GALNT16: variants seen among roughly 807,000 people sequenced by gnomAD.
The protein encoded by GALNT16 is UDP-GalNAc:polypeptide N-acetylgalactosaminyltransferase-like protein 1.
Under a neutral mutation model 76.1 loss-of-function variants are expected in GALNT16, and 40 were observed. The observed-to-expected ratio is 0.53, with a 90% CI of 0.41 to 0.68. The LOEUF (loss-of-function observed/expected upper bound fraction) is 0.68. Ranked by LOEUF, GALNT16 falls within the 30% of genes least tolerant of loss-of-function variation. The probability of loss-of-function intolerance (pLI) is 0.00; values close to 1 mark genes in which losing one functional copy is unlikely to be tolerated. For synonymous variants in GALNT16, 276 were observed against 285.2 expected (o/e 0.97, Z 0.32); for missense variants, 621 against 731.9 (o/e 0.85, Z 1.75).
In GALNT16 at chr14:69,260,452, C is replaced by T. The variant is rs1287828189; in HGVS notation, c.162C>T (p.Arg54=). ...GGTCGGAGCAGCTCCGCGAGGACCG[C>T]ACCATCCCGCTCATTGTGAGTACGC... The part of the protein sequence containing the change: ...GRRSEQLRED[R]TIPLIVTGTP... The change falls in exon 1 of 15, where the codon CGC becomes CGT. Residue 54 remains arginine, a synonymous_variant. Transcript: ENST00000448469. 1 of 1,549,820 alleles carries T rather than the reference C, an allele frequency of 6.5e-7. No individual in the cohort carries two copies. The highest frequency in any genetic ancestry group is 1.4e-5 in the African/African-American group (1 of 72,174).
chr14:69,322,429 T>A (rs1298264401), intron 2 of GALNT16, among the ~76,000 whole-genome samples: 1 of 152,232 alleles, frequency 6.6e-6, no homozygotes, highest in Non-Finnish European at 1.5e-5. Context: ...CCCTGGATAA[T>A]CTCTGTTCAC....
chr14:69,314,258 T>C (rs1016215538), intron 1 of GALNT16, among the ~76,000 whole-genome samples: 3 of 152,292 alleles, frequency 2.0e-5, no homozygotes, highest in African/African-American at 7.2e-5. Context: ...AAGCACATTA[T>C]ATGCATTGCA....
chr14:69,280,938 C>T (rs2044532721), intron 1 of GALNT16, among the ~76,000 whole-genome samples: 1 of 152,078 alleles, frequency 6.6e-6, no homozygotes, highest in Non-Finnish European at 1.5e-5. Flanking sequence ...TAGGGGAGCC[C>T]CCACTGCCTT....
chr14:69,323,794 G>C (rs531228592), intron 2 of GALNT16, among the ~76,000 whole-genome samples: 1 of 152,320 alleles, frequency 6.6e-6, no homozygotes, highest in South Asian at 2.1e-4. Flanking sequence ...AAACAGGCCT[G>C]GGAATTCGGG....
chr14:69,283,987 A>G (rs4902707), intron 1 of GALNT16, among the ~76,000 whole-genome samples: 7,138 of 152,290 alleles, frequency 0.047, 232 homozygotes, highest in Middle Eastern at 0.088. Context: ...AGGCATGGAT[A>G]AATACCAGGA....
chr14:69,377,404 G>T, the GALNT16 span, among the ~76,000 whole-genome samples: 1 of 151,898 alleles, frequency 6.6e-6, no homozygotes, highest in South Asian at 2.1e-4. Context: ...TATCTCAAAG[G>T]GTTGCTGTGA....
chr14:69,299,638 G>T (rs1287678386), intron 1 of GALNT16, among the ~76,000 whole-genome samples: 2 of 152,220 alleles, frequency 1.3e-5, no homozygotes, highest in Non-Finnish European at 2.9e-5. Context: ...AGGTGCAGAG[G>T]TGGAGGCTGA....
chr14:69,274,282 T>G (rs1056292753), intron 1 of GALNT16, among the ~76,000 whole-genome samples: 2 of 152,254 alleles, frequency 1.3e-5, no homozygotes, highest in Admixed American at 6.5e-5. Context: ...TGCAAACTTG[T>G]AATATGTTAT....
chr14:69,297,434 T>C, intron 1 of GALNT16, among the ~76,000 whole-genome samples: 1 of 152,234 alleles, frequency 6.6e-6, no homozygotes, highest in East Asian at 1.9e-4. Context: ...GAATGGGCTA[T>C]TCTTATACAC....
chr14:69,282,129 G>A (rs1252670710), intron 1 of GALNT16, among the ~76,000 whole-genome samples: 1 of 152,196 alleles, frequency 6.6e-6, no homozygotes, highest in Non-Finnish European at 1.5e-5. Context: ...TGCATGGTGA[G>A]GTTTCATCGC....
At chr14:69,378,440 C>G in the GALNT16 span, among the ~76,000 whole-genome samples, 2 of 152,190 alleles carry the variant, frequency 1.3e-5, no homozygotes, top group African/African-American at 4.8e-5. Flanking sequence ...AAAGGCCAAT[C>G]AACCAACACT....
chr14:69,315,770 T>C (rs746267757), intron 1 of GALNT16, among the ~76,000 whole-genome samples: 1 of 152,234 alleles, frequency 6.6e-6, no homozygotes, highest in East Asian at 1.9e-4. Flanking sequence ...CTCTGAACTT[T>C]TGGTCACTAG....
At chr14:69,375,826 C>A in the GALNT16 span, among the ~76,000 whole-genome samples, 287 of 152,264 alleles carry the variant, frequency 1.9e-3, 3 homozygotes, top group South Asian at 0.01. Flanking sequence ...TTCGTAGAGA[C>A]AGGGTCTTGC....
the GALNT16 span, chr14:69,380,686 G>A: frequency 1.8e-6 from 2 of 1,123,070 alleles, no homozygotes; most frequent in African/African-American, 3.1e-5. Context: ...GTCAATCACT[G>A]CCAGGTGTTT....
At chr14:69,268,632 A>G (rs2044368212) in intron 1 of GALNT16, among the ~76,000 whole-genome samples, 1 of 152,180 alleles carries the variant, frequency 6.6e-6, no homozygotes, top group South Asian at 2.1e-4. Context: ...GAAATAACAA[A>G]CCAGGTAAAA....
At chr14:69,340,661 T>G (rs1204201383) in intron 11 of GALNT16, among the ~76,000 whole-genome samples, 1 of 152,106 alleles carries the variant, frequency 6.6e-6, no homozygotes, top group African/African-American at 2.4e-5. Flanking sequence ...ATTTTTTGTG[T>G]TTTTAATAGA....
chr14:69,270,923 C>G (rs2044399578), intron 1 of GALNT16, among the ~76,000 whole-genome samples: 1 of 143,292 alleles, frequency 7.0e-6, no homozygotes, highest in Non-Finnish European at 1.5e-5. Context: ...GAGCACAGCC[C>G]CCACAAATAC....
chr14:69,308,780 A>G (rs2044975361), intron 1 of GALNT16, among the ~76,000 whole-genome samples: 1 of 152,242 alleles, frequency 6.6e-6, no homozygotes, highest in Admixed American at 6.5e-5. Context: ...ATTTTTACCT[A>G]GAAATGAAAC....
Position 69,324,709 on chromosome 14 carries a change from A to G in GALNT16, c.353A>G (p.Tyr118Cys), listed in dbSNP as rs757146861. The change falls in exon 3 of 15, where the codon TAC becomes TGC. Residue 118 changes from tyrosine (Y) to cysteine (C), a missense_variant. Coordinates refer to ENST00000448469, the MANE Select transcript of GALNT16 (RefSeq NM_001168368.2). ...TRHYSCPSVSYSSDLPATSVI... is the reference protein window; with the variant it reads ...TRHYSCPSVSCSSDLPATSVI... ...CTTCTCAGCTGCCCATCTGTGTCCT[A>G]CTCCTCGGACCTGCCAGCCACCAGC... 17 of 1,609,338 alleles carry G rather than the reference A, an allele frequency of 1.1e-5. No homozygotes were observed. Among genetic ancestry groups the G allele is most frequent in the South Asian group, 2.2e-5 (2 of 90,646 alleles).
Sources: allele counts gnomAD v4.1 joint callset (sites outside exome capture counted in the v4.1 genomes callset), GRCh38; gene constraint gnomAD v4.1.1; transcripts MANE v1.5; gene names NCBI Gene and HGNC (gene_info 2026-07-23, HGNC 2026-07-21).